Variants in MCC observed in about 807,000 individuals in gnomAD.
The protein encoded by MCC is colorectal mutant cancer protein.
In MCC, 90 loss-of-function variants were observed where a neutral mutation model predicts 116.2. The observed-to-expected ratio is 0.77, with a 90% CI of 0.65 to 0.92. MCC has a LOEUF of 0.92. MCC is among the 40% of genes least tolerant of loss of function. The pLI is 0.00. For synonymous variants in MCC, 578 were observed against 510.5 expected, an observed-to-expected ratio of 1.13 and a Z score of -1.78; for missense variants, 1,516 against 1,312.2, an observed-to-expected ratio of 1.16 and a Z score of -2.40.
chr5:113,175,474 TCA>T, intron 3 of MCC, among the ~76,000 whole-genome samples: 2 of 152,304 alleles, frequency 1.3e-5, no homozygotes, highest in Middle Eastern at 3.4e-3. Context: ...ATTTAGCTAT[TCA>T]CAGAGTGGCA....
At chr5:113,140,414 C>T (rs945525535) in intron 5 of MCC, among the ~76,000 whole-genome samples, 8 of 152,172 alleles carry the variant, frequency 5.3e-5, no homozygotes, top group South Asian at 4.1e-4. Flanking sequence ...CAAATTCTCA[C>T]GATTTCACCT....
chr5:113,076,380 A>G (rs919412691), intron 11 of MCC, among the ~76,000 whole-genome samples: 2 of 152,232 alleles, frequency 1.3e-5, no homozygotes, highest in Admixed American at 1.3e-4. Flanking sequence ...AGTTGAAATG[A>G]AGGAAAAAAA....
chr5:113,196,286 C>A (rs1762402714), intron 3 of MCC, among the ~76,000 whole-genome samples: 1 of 152,174 alleles, frequency 6.6e-6, no homozygotes, highest in Non-Finnish European at 1.5e-5. Context: ...GCTCTCATGA[C>A]CTGGGTCACA....
At chr5:113,157,714 G>A (rs1375819480) in intron 3 of MCC, among the ~76,000 whole-genome samples, 2 of 152,196 alleles carry the variant, frequency 1.3e-5, no homozygotes, top group African/African-American at 2.4e-5. Context: ...AGTTACAGTG[G>A]TCTCCCCCTT....
intron 1 of MCC, among the ~76,000 whole-genome samples, chr5:113,451,525 G>A (rs921184872): frequency 1.3e-5 from 2 of 152,068 alleles, no homozygotes; most frequent in South Asian, 2.1e-4. Context: ...ACCTGAGTTC[G>A]GGAGTTCAAG....
chr5:113,469,338 C>A (rs1430494702), intron 1 of MCC, among the ~76,000 whole-genome samples: 2 of 152,044 alleles, frequency 1.3e-5, no homozygotes, highest in African/African-American at 4.8e-5. Context: ...AAATTTCCCT[C>A]TACACACTGC....
At chr5:113,218,136 T>TG (rs1369510018) in intron 3 of MCC, among the ~76,000 whole-genome samples, 9 of 3,210 alleles carry the variant, frequency 2.8e-3, no homozygotes, top group African/African-American at 6.9e-3. Context: ...GTATGGAGAG[T>TG]GGGGGGGTGG....
intron 4 of MCC, among the ~76,000 whole-genome samples, chr5:113,144,624 C>A (rs574450427): frequency 1.3e-5 from 2 of 152,208 alleles, no homozygotes; most frequent in African/African-American, 2.4e-5. Context: ...TAACTCCATA[C>A]TGAAACAGAA....
At chr5:113,208,285 C>T (rs763896482) in intron 3 of MCC, among the ~76,000 whole-genome samples, 1 of 152,116 alleles carries the variant, frequency 6.6e-6, no homozygotes, top group African/African-American at 2.4e-5. Context: ...TCAAATCAAT[C>T]CCTTACATGG....
intron 3 of MCC, among the ~76,000 whole-genome samples, chr5:113,205,754 T>G (rs1762887119): frequency 6.6e-6 from 1 of 152,162 alleles, no homozygotes; most frequent in African/African-American, 2.4e-5. Flanking sequence ...AGTCAGCAGA[T>G]TAGAGGTGAG....
intron 3 of MCC, among the ~76,000 whole-genome samples, chr5:113,299,140 T>C (rs991917355): frequency 6.6e-6 from 1 of 151,208 alleles, no homozygotes; most frequent in Non-Finnish European, 1.5e-5. Flanking sequence ...ATACAAAAAT[T>C]AGCTGGGCGT....
intron 1 of MCC, among the ~76,000 whole-genome samples, chr5:113,469,747 C>G (rs1772026557): frequency 6.6e-6 from 1 of 152,158 alleles, no homozygotes; most frequent in African/African-American, 2.4e-5. Flanking sequence ...TGTTAACTTT[C>G]TGTCTCGTTG....
At chr5:113,325,479 C>A (rs931223502) in intron 3 of MCC, among the ~76,000 whole-genome samples, 2 of 126,186 alleles carry the variant, frequency 1.6e-5, no homozygotes, top group South Asian at 2.6e-4. Context: ...AATAGAAATT[C>A]TTCTCATGGA....
chr5:113,263,065 G>A (rs773909501), intron 3 of MCC, among the ~76,000 whole-genome samples: 8 of 152,178 alleles, frequency 5.3e-5, no homozygotes, highest in Admixed American at 5.2e-4. Flanking sequence ...CATCCTGGCA[G>A]AGAAAGGCTG....
At chr5:113,388,909 A>C (rs1436429067) in intron 1 of MCC, among the ~76,000 whole-genome samples, 1 of 152,190 alleles carries the variant, frequency 6.6e-6, no homozygotes, top group Admixed American at 6.5e-5. Context: ...TTTCCATGCT[A>C]TCATCTAGCA....
intron 3 of MCC, among the ~76,000 whole-genome samples, chr5:113,299,926 A>T (rs1179203822): frequency 6.6e-6 from 1 of 152,094 alleles, no homozygotes; most frequent in Non-Finnish European, 1.5e-5. Flanking sequence ...GTCTCTTCTC[A>T]TCTGGTCCCT....
At chr5:113,465,177 T>C (rs1194149740) in intron 1 of MCC, among the ~76,000 whole-genome samples, 1 of 149,828 alleles carries the variant, frequency 6.7e-6, no homozygotes, top group African/African-American at 2.5e-5. Flanking sequence ...AGCAACAGTA[T>C]TGAGCTAAGA....
At chr5:113,119,211 C>G (rs1211451313) in intron 6 of MCC, among the ~76,000 whole-genome samples, 1 of 152,242 alleles carries the variant, frequency 6.6e-6, no homozygotes, top group African/African-American at 2.4e-5. Context: ...GGAGCCTGCA[C>G]TCTGGCATGA....
chr5:113,251,206 T>C (rs1276014120), intron 3 of MCC, among the ~76,000 whole-genome samples: 1 of 152,268 alleles, frequency 6.6e-6, no homozygotes, highest in African/African-American at 2.4e-5. Context: ...GTACTAACTG[T>C]ATTGTAAGAA....
Sources: allele counts gnomAD v4.1 joint callset (sites outside exome capture counted in the v4.1 genomes callset), GRCh38; gene constraint gnomAD v4.1.1; transcripts MANE v1.5; gene names NCBI Gene and HGNC (gene_info 2026-07-23, HGNC 2026-07-21).